BRSK2: variants seen among roughly 807,000 people sequenced by gnomAD.
BRSK2 encodes BR serine/threonine kinase 2.
In BRSK2, 19 loss-of-function variants were observed where a neutral mutation model predicts 83.3. The observed-to-expected ratio is 0.23, with a 90% CI of 0.16 to 0.33. The LOEUF (loss-of-function observed/expected upper bound fraction) is 0.33. Ranked by LOEUF, BRSK2 falls within the 10% of genes least tolerant of loss-of-function variation. The pLI, the probability that BRSK2 is intolerant of heterozygous loss-of-function variation, is 1.00. For missense variants in BRSK2, 798 were observed against 1,042.3 expected (o/e 0.77, Z 3.23); for synonymous variants, 519 against 435.4 (o/e 1.19, Z -2.39).
intron 1 of BRSK2, among the ~76,000 whole-genome samples, chr11:1,434,727 G>A (rs1590500433): frequency 1.3e-5 from 2 of 151,574 alleles, no homozygotes; most frequent in Non-Finnish European, 2.9e-5. Flanking sequence ...AACCTGGGCC[G>A]GCTCTGGGTG....
Position 1,456,664 on chromosome 11 carries a change from C to T in BRSK2, c.1916C>T (p.Pro639Leu), listed in dbSNP as rs555903939. 30 of 1,608,074 alleles carry T rather than the reference C, an allele frequency of 1.9e-5. 1 individual carries two copies. The highest frequency in any genetic ancestry group is 4.5e-5 in the East Asian group (2 of 44,678). ...GCCCAGCTGCTGAGCACACACGACCCGCCTGCGGCCCAGCACTTGTCAGGT... is the reference window on the plus strand; with the variant it reads ...GCCCAGCTGCTGAGCACACACGACCTGCCTGCGGCCCAGCACTTGTCAGGT... ...IQAQLLSTHDPPAAQHLSDTT... is the reference protein window; with the variant it reads ...IQAQLLSTHDLPAAQHLSDTT... Residue 639 changes from proline (P) to leucine (L), a missense_variant, in exon 18 of 20, where the codon CCG becomes CTG. By Grantham distance (98) the Pro-to-Leu change is moderately conservative (BLOSUM62 -3). Transcript: ENST00000528841.
In BRSK2 at chr11:1,461,122, G is replaced by A. The variant is rs1260982194; in HGVS notation, c.*399G>A. On this transcript the variant is annotated 3_prime_UTR_variant, in exon 20 of 20. Coordinates refer to ENST00000528841, the MANE Select transcript of BRSK2 (RefSeq NM_001256627.2). Reference sequence around the variant, plus strand: ...CCCGTCCACCCCGCGGCAGCTCCTCGCCTCAGCTCCGCACGGCCCGTGGGA... The same window carrying A: ...CCCGTCCACCCCGCGGCAGCTCCTCACCTCAGCTCCGCACGGCCCGTGGGA... 38 of 1,366,192 alleles carry A rather than the reference G, an allele frequency of 2.8e-5. No homozygotes were observed. The South Asian group carries it at 3.3e-4, about 12-fold the overall frequency. The allele number at this position is 1,366,192 out of a possible 1,614,324, so 84.6% of individuals were successfully genotyped here. A position where few individuals can be genotyped will look rare whatever the true frequency, so the allele number is the denominator to read the frequency against.
At chr11:1,395,881 A>C (rs1425523233) in intron 1 of BRSK2, among the ~76,000 whole-genome samples, 1 of 152,144 alleles carries the variant, frequency 6.6e-6, no homozygotes, top group African/African-American at 2.4e-5. Context: ...CTGCTCCACC[A>C]TCTGCCCGAG....
chr11:1,456,642 C>G lies in BRSK2; in HGVS notation c.1894C>G (p.Gln632Glu). ...GAGGGTGGTGGAGACCATCCAGGCC[C>G]AGCTGCTGAGCACACACGACCCGCC... ...FKRVVETIQAQLLSTHDPPAA... is the reference protein window; with the variant it reads ...FKRVVETIQAELLSTHDPPAA... Residue 632 changes from glutamine (Q) to glutamate (E), a missense_variant, in exon 18 of 20, where the codon CAG becomes GAG. By Grantham distance (29) the Gln-to-Glu change is conservative. Transcript: ENST00000528841. 1.9e-6 allele frequency: 3 copies of G among 1,610,878 alleles called. No homozygotes were observed. Among genetic ancestry groups the G allele is most frequent in the Non-Finnish European group, 2.5e-6 (3 of 1,179,276 alleles).
intron 1 of BRSK2, among the ~76,000 whole-genome samples, chr11:1,424,642 C>G (rs1220753095): frequency 6.6e-6 from 1 of 152,230 alleles, no homozygotes; most frequent in African/African-American, 2.4e-5. Flanking sequence ...CCATCTGCAT[C>G]CAGCCAACAG....
At chr11:1,439,770 C>T (rs888555397) in intron 3 of BRSK2, among the ~76,000 whole-genome samples, 241 of 151,798 alleles carry the variant, frequency 1.6e-3, no homozygotes, top group Non-Finnish European at 2.4e-3. Flanking sequence ...TCACACCTTC[C>T]TCTGCCCTGA....
chr11:1,433,269 G>A (rs946270676), intron 1 of BRSK2, among the ~76,000 whole-genome samples: 11 of 152,260 alleles, frequency 7.2e-5, no homozygotes, highest in Admixed American at 7.2e-4. Flanking sequence ...ACCTACCCTG[G>A]GAATGCTGTC....
At chr11:1,433,924 G>T (rs1160363871) in intron 1 of BRSK2, among the ~76,000 whole-genome samples, 1 of 152,232 alleles carries the variant, frequency 6.6e-6, no homozygotes, top group African/African-American at 2.4e-5. Flanking sequence ...AAGGTCCTGG[G>T]TCCCCCACCC....
chr11:1,391,512 G>T (rs1018703426), intron 1 of BRSK2, among the ~76,000 whole-genome samples: 27 of 152,324 alleles, frequency 1.8e-4, no homozygotes, highest in African/African-American at 6.5e-4. Context: ...CGGCAGAGCT[G>T]CAGGAAGGGG....
rs1022796216 is a variant in BRSK2 at position 1,428,361 on chromosome 11, C to T, written c.92-7679C>T. On this transcript the variant is annotated intron_variant, in intron 1 of 19. Transcript: ENST00000528841. The stretch of plus-strand genomic sequence containing the variant: ...CCACCCCCAGTGGCTCCATCCCCTC[C>T]GTAACCTCCTCTGGGAAGGTGGGTG... Among the ~76,000 whole-genome samples, 13 of 152,336 alleles carry T rather than the reference C, an allele frequency of 8.5e-5. No homozygotes were observed. The South Asian group carries it at 1.2e-3, about 15-fold the overall frequency.
intron 5 of BRSK2, 30 bp downstream of exon 5, chr11:1,442,636 T>A (rs768370807): frequency 1.3e-6 from 2 of 1,553,908 alleles, no homozygotes; most frequent in Non-Finnish European, 1.8e-6. Context: ...GGAGAGAGGC[T>A]GGGGGACAGG....
In BRSK2 at chr11:1,454,719, G is replaced by A. The variant is rs563454974; in HGVS notation, c.1668+111G>A. On this transcript the variant is annotated intron_variant, in intron 16 of 19. Coordinates refer to ENST00000528841, the MANE Select transcript of BRSK2 (RefSeq NM_001256627.2). The surrounding 1 kb of genome is among the most constrained non-coding windows in gnomAD (Gnocchi z 5.2). Reference sequence around the variant, plus strand: ...CAGGACATGTCCACGCGCACAGCACGGACGTCCGCTCACCCGTGGGCCTGC... The same window carrying A: ...CAGGACATGTCCACGCGCACAGCACAGACGTCCGCTCACCCGTGGGCCTGC... 1.0e-4 allele frequency: 141 copies of A among 1,383,546 alleles called. 1 individual carries two copies. In the South Asian group the frequency reaches 1.3e-3, roughly 12 times the overall value. 85.7% of individuals were successfully genotyped at this position (1,383,546 alleles called of 1,614,324 possible).
At chr11:1,411,049 C>T (rs1227680555) in intron 1 of BRSK2, 1 of 1,080,378 alleles carries the variant, frequency 9.3e-7, no homozygotes, top group African/African-American at 1.6e-5. Flanking sequence ...ACCATGGCAA[C>T]AGATGGAGAT....
At chr11:1,400,289 T>G (rs2134044083) in intron 1 of BRSK2, among the ~76,000 whole-genome samples, 1 of 152,164 alleles carries the variant, frequency 6.6e-6, no homozygotes, top group East Asian at 1.9e-4. Context: ...AGCCTCAGCT[T>G]TCCCCGGAGG....
At chr11:1,445,959 G>A (rs749689983) in intron 12 of BRSK2, 52 bp downstream of exon 12, 13 of 1,545,332 alleles carry the variant, frequency 8.4e-6, no homozygotes, top group African/African-American at 2.7e-5. Context: ...CTGGCTGCGC[G>A]GCACTGCCGC....
chr11:1,421,584 G>C (rs749233796), intron 1 of BRSK2, among the ~76,000 whole-genome samples: 2 of 152,208 alleles, frequency 1.3e-5, no homozygotes, highest in Non-Finnish European at 2.9e-5. Flanking sequence ...GAGATGCGCC[G>C]CCCCTTCCCT....
intron 1 of BRSK2, among the ~76,000 whole-genome samples, chr11:1,411,920 T>C (rs1847554462): frequency 6.6e-6 from 1 of 152,186 alleles, no homozygotes; most frequent in Admixed American, 6.5e-5. Context: ...CCCCATCCTG[T>C]GGGGAACGTG....
At chr11:1,433,138 G>A (rs1304001432) in intron 1 of BRSK2, among the ~76,000 whole-genome samples, 1 of 151,946 alleles carries the variant, frequency 6.6e-6, no homozygotes, top group East Asian at 1.9e-4. Flanking sequence ...GTCTTCTGCG[G>A]TCTGGTCAGG....
At chr11:1,434,965 G>A (rs1850089554) in intron 1 of BRSK2, among the ~76,000 whole-genome samples, 1 of 151,816 alleles carries the variant, frequency 6.6e-6, no homozygotes, top group African/African-American at 2.4e-5. Flanking sequence ...GTATCTGGCT[G>A]TGAAAAGAGT....
Sources: gnomAD v4.1 joint callset for allele counts (sites outside exome capture counted in the v4.1 genomes callset) on GRCh38, gnomAD v4.1.1 for gene constraint, Gnocchi (gnomAD v3.1) non-coding constraint, MANE v1.5 for transcripts, NCBI Gene and HGNC (gene_info 2026-07-23, HGNC 2026-07-21) for gene names.